WFDC9: variants seen among roughly 807,000 people sequenced by gnomAD.
WFDC9 encodes the protein WAP four-disulfide core domain 9.
In WFDC9, 9 loss-of-function variants were observed where a neutral mutation model predicts 9.5. The observed-to-expected ratio is 0.95, with a 90% CI of 0.57 to 1.65. WFDC9 has a LOEUF of 1.65. Among genes scored for constraint, WFDC9 ranks in the 40% most tolerant of loss-of-function variants. WFDC9 has a pLI of 0.00. For synonymous variants in WFDC9, 33 were observed against 32.3 expected (o/e 1.02, Z -0.07); for missense variants, 87 against 106.7 (o/e 0.82, Z 0.81).
intron 1 of WFDC9, chr20:45,629,808 A>C: frequency 6.2e-7 from 1 of 1,613,302 alleles, no homozygotes; most frequent in South Asian, 1.1e-5. Context: ...CGATCTGATC[A>C]GAGTCATGGC....
intron 3 of WFDC9, 21 bp downstream of exon 3, chr20:45,610,070 G>T (rs777937273): frequency 1.2e-6 from 2 of 1,608,274 alleles, no homozygotes; most frequent in African/African-American, 2.7e-5. Flanking sequence ...AGAGCACCCC[G>T]TCCCTTTTCA....
In WFDC9 at chr20:45,625,807, CTTTTTT is replaced by C. The variant is rs76758338; in HGVS notation, c.-153+5390_-153+5395del. On this transcript the variant is annotated intron_variant, in intron 1 of 4. Coordinates refer to ENST00000326000, the MANE Select transcript of WFDC9 (RefSeq NM_147198.4). ...TGGATTTATTTCTAGGTTCTCTATTCTTTTTTTTTTTTTTTTTTTTTTTTTTGAGAC... is the reference window on the plus strand; with the variant it reads ...TGGATTTATTTCTAGGTTCTCTATTCTTTTTTTTTTTTTTTTTTTTGAGAC... 7.8e-4 allele frequency among the ~76,000 whole-genome samples: 36 copies of C among 46,410 alleles called. 1 individual carries two copies. Among genetic ancestry groups the C allele is most frequent in the East Asian group, 2.9e-3 (3 of 1,026 alleles). The allele number at this position is 46,410 out of a possible 152,430, so 30.4% of individuals were successfully genotyped here. A position where few individuals can be genotyped will look rare whatever the true frequency, so the allele number is the denominator to read the frequency against.
chr20:45,621,697 G>A (rs958259258), intron 1 of WFDC9, among the ~76,000 whole-genome samples: 44 of 152,296 alleles, frequency 2.9e-4, no homozygotes, highest in Non-Finnish European at 5.0e-4. Context: ...TCTCTCATGA[G>A]CTTCCCTGGT....
Position 45,630,979 on chromosome 20 carries a change from T to C in WFDC9, c.-153+224A>G, listed in dbSNP as rs148130297. ...ATTGTCAAGCAAATAACATATGCTG[T>C]TCTACCTACTGTGGGAATGTTTGCA... On this transcript the variant is annotated intron_variant, in intron 1 of 4. Transcript: ENST00000326000. The C allele has an allele frequency of 1.5e-4, 235 of 1,609,308 alleles. 2 individuals carry two copies. The African/African-American group carries it at 2.9e-3, about 20-fold the overall frequency.
Position 45,628,661 on chromosome 20 carries a change from A to T in WFDC9, c.-153+2542T>A, listed in dbSNP as rs182013756. ...AAATATCAGAATTTTTGAATTATAA[A>T]GGATATCGCAAAGGATACAGAGGAA... is the stretch of plus-strand genomic sequence containing the variant. On this transcript the variant is annotated intron_variant, in intron 1 of 4. Coordinates refer to ENST00000326000, the MANE Select transcript of WFDC9 (RefSeq NM_147198.4). Among the ~76,000 whole-genome samples the T allele has an allele frequency of 1.7e-4, 26 of 152,360 alleles. No homozygotes were observed. The East Asian group carries it at 4.6e-3, about 27-fold the overall frequency.
At chr20:45,609,053 C>A (rs1981796393) in intron 3 of WFDC9, among the ~76,000 whole-genome samples, 1 of 152,142 alleles carries the variant, frequency 6.6e-6, no homozygotes, top group Non-Finnish European at 1.5e-5. Flanking sequence ...ACCTGGGACA[C>A]CCTGACCATA....
chr20:45,631,177 C>G, intron 1 of WFDC9, 26 bp downstream of exon 1: 4 of 760,916 alleles, frequency 5.3e-6, no homozygotes, highest in Non-Finnish European at 7.5e-6. Flanking sequence ...GTCAAATAAA[C>G]CAGAACAAAT....
At chr20:45,625,681 A>G (rs568138967) in intron 1 of WFDC9, among the ~76,000 whole-genome samples, 1 of 151,944 alleles carries the variant, frequency 6.6e-6, no homozygotes, top group Non-Finnish European at 1.5e-5. Context: ...TATTCTGCAT[A>G]TGGATATCCA....
rs781538816 is a variant in WFDC9 at position 45,629,868 on chromosome 20, G to T, written c.-153+1335C>A. ...GGTTCTCTGTGTGCTGCTGCTGCAGGCCCAGGGAGGATACCGTGACAAGAA... is the reference window on the plus strand; with the variant it reads ...GGTTCTCTGTGTGCTGCTGCTGCAGTCCCAGGGAGGATACCGTGACAAGAA... On this transcript the variant is annotated intron_variant, in intron 1 of 4. Transcript: ENST00000326000. The T allele has an allele frequency of 1.5e-5, 25 of 1,613,940 alleles. 3 individuals are homozygous for T. In the Admixed American group the frequency reaches 1.8e-4, roughly 12 times the overall value.
chr20:45,620,471 A>G (rs1368416524), intron 1 of WFDC9, among the ~76,000 whole-genome samples: 1 of 152,118 alleles, frequency 6.6e-6, no homozygotes, highest in Non-Finnish European at 1.5e-5. Flanking sequence ...ACACACCTGT[A>G]ATCCCAGCTA....
intron 1 of WFDC9, chr20:45,629,799 G>A (rs769748550): frequency 1.3e-5 from 21 of 1,612,306 alleles, no homozygotes; most frequent in Non-Finnish European, 1.7e-5. Context: ...TAGGGCTCAC[G>A]ATCTGATCAG....
chr20:45,625,833 T>TTTTTTTTTTTTTTTTGA (rs71181835), intron 1 of WFDC9, among the ~76,000 whole-genome samples: 1 of 140,680 alleles, frequency 7.1e-6, no homozygotes, highest in Non-Finnish European at 1.5e-5. Context: ...TTTTTTTTTT[T>TTTTTTTTTTTTTTTTGA]GAGACAGAGT....
intron 1 of WFDC9, among the ~76,000 whole-genome samples, chr20:45,628,104 G>A (rs1982263940): frequency 6.6e-6 from 1 of 152,078 alleles, no homozygotes; most frequent in Non-Finnish European, 1.5e-5. Context: ...CCTTATAAAT[G>A]TCAGTACTTG....
At chr20:45,623,740 C>T (rs1378114527) in intron 1 of WFDC9, among the ~76,000 whole-genome samples, 3 of 152,090 alleles carry the variant, frequency 2.0e-5, no homozygotes, top group Non-Finnish European at 4.4e-5. Context: ...AATTAGCATA[C>T]CCGTCATCTC....
intron 1 of WFDC9, among the ~76,000 whole-genome samples, chr20:45,624,431 T>C (rs1246991286): frequency 6.6e-6 from 1 of 152,172 alleles, no homozygotes; most frequent in Non-Finnish European, 1.5e-5. Context: ...GATTGTGTTG[T>C]ATATTTGTAT....
intron 2 of WFDC9, among the ~76,000 whole-genome samples, chr20:45,611,902 T>C (rs1013585288): frequency 6.6e-6 from 1 of 152,154 alleles, no homozygotes; most frequent in East Asian, 1.9e-4. Flanking sequence ...TATTTGCTGA[T>C]GGGTATTTTA....
At chr20:45,630,050 T>A in intron 1 of WFDC9, 1 of 1,161,130 alleles carries the variant, frequency 8.6e-7, no homozygotes, top group Non-Finnish European at 1.2e-6. Flanking sequence ...GGACTGTCCC[T>A]AAACCATGGC....
At chr20:45,610,622 T>G (rs1205373258) in intron 2 of WFDC9, among the ~76,000 whole-genome samples, 2 of 152,204 alleles carry the variant, frequency 1.3e-5, no homozygotes, top group Non-Finnish European at 2.9e-5. Context: ...TGTCCTGATA[T>G]TTTATTTTGA....
intron 1 of WFDC9, chr20:45,629,756 C>T (rs1014287498): frequency 3.8e-6 from 6 of 1,581,772 alleles, no homozygotes; most frequent in African/African-American, 1.3e-5. Flanking sequence ...GTAGACAGCT[C>T]TGCAGGGAAG....
Sources: allele counts gnomAD v4.1 joint callset (sites outside exome capture counted in the v4.1 genomes callset), GRCh38; gene constraint gnomAD v4.1.1; transcripts MANE v1.5; gene names NCBI Gene and HGNC (gene_info 2026-07-23, HGNC 2026-07-21).